Variants in BABAM2 observed in about 807,000 individuals in gnomAD.
The protein encoded by BABAM2 is BRISC and BRCA1-A complex member 2.
Under a neutral mutation model 54.7 loss-of-function variants are expected in BABAM2, and 31 were observed. That is an observed-to-expected ratio of 0.57 (90% CI 0.43 to 0.77). BABAM2 has a LOEUF of 0.77. BABAM2 is among the 30% of genes least tolerant of loss of function. The pLI, the probability that BABAM2 is intolerant of heterozygous loss-of-function variation, is 0.00. For missense variants in BABAM2, 364 were observed against 455.8 expected (o/e 0.80, Z 1.83); for synonymous variants, 167 against 162.9 (o/e 1.03, Z -0.19).
intron 3 of BABAM2, among the ~76,000 whole-genome samples, chr2:27,965,018 A>G (rs1029084772): frequency 3.3e-5 from 5 of 152,144 alleles, no homozygotes; most frequent in African/African-American, 1.2e-4. Context: ...CTTATTGGAG[A>G]TGGGGTATGT....
chr2:28,003,520 G>T (rs1673725853), intron 4 of BABAM2, among the ~76,000 whole-genome samples: 2 of 152,114 alleles, frequency 1.3e-5, no homozygotes, highest in African/African-American at 4.8e-5. Context: ...AGCCTGGGAG[G>T]TTGAGGCTGC....
intron 11 of BABAM2, among the ~76,000 whole-genome samples, chr2:28,324,869 T>C (rs1272320644): frequency 2.0e-5 from 3 of 152,088 alleles, no homozygotes; most frequent in Non-Finnish European, 4.4e-5. Context: ...TTGGCAAAAA[T>C]AGAATCACCT....
At chr2:28,016,467 T>G in intron 4 of BABAM2, 1 of 1,240,086 alleles carries the variant, frequency 8.1e-7, no homozygotes, top group Non-Finnish European at 1.2e-6. Context: ...GCTACCCATT[T>G]GTCCCACTTG....
chr2:28,098,662 G>A (rs898741454), intron 6 of BABAM2, among the ~76,000 whole-genome samples: 11 of 152,186 alleles, frequency 7.2e-5, no homozygotes, highest in Non-Finnish European at 1.2e-4. Context: ...CACATAAATG[G>A]ATTAAGGTGT....
chr2:28,234,146 A>G (rs1214726425), intron 7 of BABAM2, among the ~76,000 whole-genome samples: 1 of 152,186 alleles, frequency 6.6e-6, no homozygotes, highest in Non-Finnish European at 1.5e-5. Context: ...GGTTTTACCT[A>G]TGTCTAGTTG....
At chr2:28,043,035 A>G (rs995764030) in intron 5 of BABAM2, among the ~76,000 whole-genome samples, 8 of 152,036 alleles carry the variant, frequency 5.3e-5, no homozygotes, top group Non-Finnish European at 1.0e-4. Context: ...AAAAAATAAA[A>G]AAAATGATGT....
chr2:28,184,481 C>T (rs1676057857), intron 7 of BABAM2, among the ~76,000 whole-genome samples: 1 of 126,206 alleles, frequency 7.9e-6, no homozygotes, highest in African/African-American at 2.8e-5. Flanking sequence ...CTCCCCTCTC[C>T]CCCCACCCCA....
intron 2 of BABAM2, among the ~76,000 whole-genome samples, chr2:27,926,718 A>G (rs1667733696): frequency 6.6e-6 from 1 of 152,178 alleles, no homozygotes; most frequent in Non-Finnish European, 1.5e-5. Flanking sequence ...TAACACCTAG[A>G]GCAATGCTTG....
chr2:28,315,871 T>C (rs1689512321), intron 11 of BABAM2, among the ~76,000 whole-genome samples: 1 of 152,140 alleles, frequency 6.6e-6, no homozygotes, highest in African/African-American at 2.4e-5. Context: ...TAATAGATCC[T>C]TCTTGGCCTT....
chr2:28,055,634 TA>T (rs1678344739), intron 6 of BABAM2, among the ~76,000 whole-genome samples: 2 of 152,222 alleles, frequency 1.3e-5, no homozygotes, highest in South Asian at 4.1e-4. Context: ...AAAAAGAAGT[TA>T]CAGGTAGTTT....
intron 6 of BABAM2, among the ~76,000 whole-genome samples, chr2:28,090,114 G>T (rs1048730085): frequency 6.6e-6 from 1 of 152,072 alleles, no homozygotes; most frequent in African/African-American, 2.4e-5. Context: ...TTGTTAACAG[G>T]TATTATGCTT....
intron 11 of BABAM2, among the ~76,000 whole-genome samples, chr2:28,303,088 C>G (rs538380736): frequency 6.6e-6 from 1 of 152,110 alleles, no homozygotes; most frequent in Non-Finnish European, 1.5e-5. Flanking sequence ...CCCTTGGGCT[C>G]AAGTGATCCT....
At chr2:28,079,963 T>C (rs1315696508) in intron 6 of BABAM2, among the ~76,000 whole-genome samples, 1 of 152,192 alleles carries the variant, frequency 6.6e-6, no homozygotes, top group Non-Finnish European at 1.5e-5. Flanking sequence ...TCTAGGCTCA[T>C]AGTTAACATT....
chr2:28,145,407 C>T (rs1671407784), intron 7 of BABAM2, among the ~76,000 whole-genome samples: 1 of 152,100 alleles, frequency 6.6e-6, no homozygotes, highest in Admixed American at 6.5e-5. Context: ...TTACAAGTTG[C>T]GTTTTCTGCT....
chr2:28,244,662 C>G (rs1682752995), intron 9 of BABAM2, 118 bp from the exon 10 acceptor site: 1 of 881,998 alleles, frequency 1.1e-6, no homozygotes, highest in East Asian at 2.5e-5. Context: ...GCCTTAAACC[C>G]ATCTCAAAGT....
chr2:27,962,732 C>T (rs1670559970), intron 3 of BABAM2, among the ~76,000 whole-genome samples: 1 of 152,134 alleles, frequency 6.6e-6, no homozygotes, highest in East Asian at 1.9e-4. Context: ...ATGGGTTTGT[C>T]AGAATTTATG....
intron 3 of BABAM2, among the ~76,000 whole-genome samples, chr2:27,944,061 CTG>C (rs1669117106): frequency 6.6e-6 from 1 of 152,012 alleles, no homozygotes; most frequent in Non-Finnish European, 1.5e-5. Context: ...TATATATAAT[CTG>C]TCTTTGGTAC....
chr2:27,950,628 T>C (rs1463522937), intron 3 of BABAM2, among the ~76,000 whole-genome samples: 1 of 152,114 alleles, frequency 6.6e-6, no homozygotes, highest in Non-Finnish European at 1.5e-5. Context: ...CTTTTTCCTA[T>C]TTTTTTCCTC....
chr2:27,927,960 C>T (rs1667832693), intron 2 of BABAM2, among the ~76,000 whole-genome samples: 1 of 151,658 alleles, frequency 6.6e-6, no homozygotes, highest in African/African-American at 2.4e-5. Flanking sequence ...TCTCCTGCCT[C>T]AGCCTTCTGA....
Sources: allele counts gnomAD v4.1 joint callset (sites outside exome capture counted in the v4.1 genomes callset), GRCh38; gene constraint gnomAD v4.1.1; transcripts MANE v1.5; gene names NCBI Gene and HGNC (gene_info 2026-07-23, HGNC 2026-07-21).